Variants in OVCH2 observed in about 807,000 individuals in gnomAD.
OVCH2 encodes ovochymase-2.
In OVCH2, 88 loss-of-function variants were observed where a neutral mutation model predicts 73.7. The observed-to-expected ratio is 1.19, with a 90% confidence interval of 1.01 to 1.43. The LOEUF (loss-of-function observed/expected upper bound fraction) is 1.43, where lower values mean the gene tolerates loss of function less well. Among genes scored for constraint, OVCH2 ranks in the 40% most tolerant of loss-of-function variants. OVCH2 has a pLI of 0.00. For synonymous variants in OVCH2, 265 were observed against 234.5 expected (o/e 1.13, Z -1.19); for missense variants, 706 against 674.5 (o/e 1.05, Z -0.52).
rs1227847573 is a variant in OVCH2 at position 7,701,426 on chromosome 11, G to A, written c.609C>T (p.Thr203=). ...VLQEVNLPIL[T]WEECVAALLT... The stretch of plus-strand genomic sequence containing the variant: ...ACAGAGCTGCCACACACTCTTCCCA[G>A]GTCAAAATAGGCAGATTCACTTCCT... The change falls in exon 6 of 16, where the codon ACC becomes ACT. Residue 203 remains threonine, a synonymous_variant. Transcript: ENST00000533663. 2.5e-6 allele frequency: 4 copies of A among 1,612,518 alleles called. No individual in the cohort carries two copies. The highest frequency in any genetic ancestry group is 3.4e-6 in the Non-Finnish European group (4 of 1,179,426).
At position 7,704,655 on chromosome 11, in the gene OVCH2, ACT is replaced by A. The variant is rs1206728126; in HGVS notation, c.106_107del (p.Leu37GlyfsTer2). On this transcript the variant is annotated frameshift_variant, in exon 2 of 16. Coordinates refer to ENST00000533663, the MANE Select transcript of OVCH2 (RefSeq NM_198185.7). LOFTEE classifies it high-confidence loss of function. Reference protein sequence around the residue: ...SLPKAPSCGQSLVKVQPWNYF... With the variant: ...SLPKAPSCGQXLVKVQPWNYF... ...AATTCCAAGGCTGTACCTTAACCAGACTCTGCCCACAACTGGGAGCTGAGAAA... is the reference window on the plus strand; with the variant it reads ...AATTCCAAGGCTGTACCTTAACCAGACTGCCCACAACTGGGAGCTGAGAAA... 2 of 1,611,976 alleles carry A rather than the reference ACT, an allele frequency of 1.2e-6. No homozygotes were observed. The highest frequency in any genetic ancestry group is 1.7e-4 in the Middle Eastern group (1 of 6,054).
At chr11:7,686,145 T>A (rs900492603), downstream of OVCH2, among the ~76,000 whole-genome samples, 1 of 152,236 alleles carries the variant, frequency 6.6e-6, no homozygotes, top group Admixed American at 6.5e-5. Flanking sequence ...AGCACAGCAC[T>A]GTGCCGAACT....
chr11:7,692,105 A>T, intron 12 of OVCH2, 110 bp from the exon 13 acceptor site: 1 of 744,044 alleles, frequency 1.3e-6, no homozygotes. Flanking sequence ...AAGACCTTAG[A>T]TAAGAAAGTT....
downstream of OVCH2, among the ~76,000 whole-genome samples, chr11:7,687,308 AAAT>A (rs71059120): frequency 0.082 from 10,842 of 132,390 alleles, 484 homozygotes; most frequent in Middle Eastern, 0.13. Context: ...ATGGCTGTGG[AAAT>A]AATAATAATA....
At chr11:7,690,557 C>G (rs4132547) in intron 14 of OVCH2, among the ~76,000 whole-genome samples, 2 of 151,846 alleles carry the variant, frequency 1.3e-5, no homozygotes, top group Non-Finnish European at 2.9e-5. Context: ...TGTGAACTCC[C>G]TATACGTGAA....
chr11:7,686,647 A>G (rs1371566840), downstream of OVCH2, among the ~76,000 whole-genome samples: 3 of 152,232 alleles, frequency 2.0e-5, no homozygotes, highest in Non-Finnish European at 4.4e-5. Flanking sequence ...AAGAATCTGC[A>G]GGAAGAAAGG....
At position 7,691,380 on chromosome 11, in the gene OVCH2, C is replaced by T. The variant is rs1331953463; in HGVS notation, c.1528G>A (p.Val510Ile). The T allele has an allele frequency of 1.9e-6, 3 of 1,612,884 alleles. No homozygotes were observed. Among genetic ancestry groups the T allele is most frequent in the Admixed American group, 3.3e-5 (2 of 59,898 alleles). ...KEIARLCGYD[V>I]PTPVLSPSSI... Reference sequence around the variant, plus strand: ...GAGGGGCTCAGCACAGGGGTGGGGACATCATAGCCACACAGCCGAGCTTGT... The same window carrying T: ...GAGGGGCTCAGCACAGGGGTGGGGATATCATAGCCACACAGCCGAGCTTGT... Residue 510 changes from valine (V) to isoleucine (I), a missense_variant, in exon 14 of 16, where the codon GTC (valine) becomes ATC (isoleucine). Val to Ile is a conservative substitution (Grantham distance 29). Transcript: ENST00000533663.
rs1405450857 is a variant in OVCH2, at chr11:7,700,304, A to T, written c.893T>A (p.Ile298Asn). The T allele has an allele frequency of 6.2e-7, 1 of 1,613,522 alleles. No individual in the cohort carries two copies. The highest frequency in any genetic ancestry group is 1.3e-5 in the African/African-American group (1 of 74,882). Reference protein sequence around the residue: ...SKVLPWIHEHIQTGNRRKSSR... With the variant: ...SKVLPWIHEHNQTGNRRKSSR... ...TGTGATGGCTTAGTTACCAGTTTGG[A>T]TGTGTTCGTGGATCCAGGGAAGCAC... The change falls in exon 7 of 16, where the codon ATC becomes AAC. Residue 298 changes from isoleucine to asparagine, a missense_variant. Coordinates refer to ENST00000533663, the MANE Select transcript of OVCH2 (RefSeq NM_198185.7).
At position 7,695,698 on chromosome 11, in the gene OVCH2, C is replaced by T; in HGVS notation, c.1154G>A (p.Gly385Glu). The change falls in exon 11 of 16, where the codon GGA (glycine) becomes GAA (glutamate). Residue 385 changes from glycine (G) to glutamate (E), a missense_variant. Physicochemically the swap from Gly to Glu is moderately conservative, Grantham distance 98. Transcript: ENST00000533663. ...LEDRPIGKFC[G>E]ESLPSSILIG... ...AAGAATGGATGAAGGGAGGCTTTCT[C>T]CACAAAATTTTCCTGCAGGATGAGA... The T allele has an allele frequency of 2.5e-6, 4 of 1,585,878 alleles. No homozygotes were observed. The highest frequency in any genetic ancestry group is 3.4e-6 in the Non-Finnish European group (4 of 1,177,538).
At chr11:7,691,622 A>T (rs569552182) in intron 13 of OVCH2, among the ~76,000 whole-genome samples, 1 of 152,272 alleles carries the variant, frequency 6.6e-6, no homozygotes, top group East Asian at 1.9e-4. Flanking sequence ...ATGTTAAGGG[A>T]ACTGGTTCTA....
chr11:7,696,784 T>C lies in OVCH2; in HGVS notation c.941A>G (p.Gln314Arg). The C allele has an allele frequency of 6.2e-7, 1 of 1,609,562 alleles. No individual in the cohort carries two copies. The highest frequency in any genetic ancestry group is 1.1e-5 in the South Asian group (1 of 90,112). Residue 314 changes from glutamine (Q) to arginine (R), a missense_variant, in exon 9 of 16, where the codon CAG (glutamine) becomes CGG (arginine). By Grantham distance (43) the Gln-to-Arg change is conservative (BLOSUM62 1). Transcript: ENST00000533663. ...CTCAGCCCCGCTGACTATGACATCC[T>C]GCTCACTGCACCAGGCTGGGAGGGA... The part of the protein sequence containing the change: ...RKSSRAWCSE[Q>R]DVIVSGAEGK...
intron 12 of OVCH2, among the ~76,000 whole-genome samples, 165 bp downstream of exon 12, chr11:7,694,893 A>G (rs2136154102): frequency 6.8e-6 from 1 of 147,602 alleles, no homozygotes; most frequent in South Asian, 2.1e-4. Flanking sequence ...GGGCGGATCC[A>G]TTATTCAGCA....
rs184840192 is a variant in OVCH2, at chr11:7,704,963, C to A, written c.89-289G>T. On this transcript the variant is annotated intron_variant, in intron 1 of 15. Transcript: ENST00000533663. ...TCCCTCTTTATGTAAAATACTTTAT[C>A]CCTGAAAAAGTTGTTTTTATTTATT... Among the ~76,000 whole-genome samples the A allele has an allele frequency of 7.2e-5, 11 of 152,216 alleles. No homozygotes were observed. The East Asian group carries it at 2.1e-3, about 29-fold the overall frequency.
chr11:7,697,020 TTCTC>T (rs5789537), intron 8 of OVCH2: 338,271 of 532,720 alleles, frequency 0.63, 111,374 homozygotes, highest in Non-Finnish European at 0.69. Flanking sequence ...TCCTTAACTC[TTCTC>T]TCTCTTTTTA....
chr11:7,697,937 A>G (rs1344122334), intron 8 of OVCH2, among the ~76,000 whole-genome samples: 1 of 152,244 alleles, frequency 6.6e-6, no homozygotes. Context: ...GCTAGCATTT[A>G]AAGTTTCCAT....
chr11:7,703,880 G>A, intron 2 of OVCH2, 91 bp from the exon 3 acceptor site: 1 of 939,038 alleles, frequency 1.1e-6, no homozygotes, highest in Non-Finnish European at 1.7e-6. Context: ...ACCAGACTCA[G>A]ATATCACACT....
At chr11:7,682,276 C>T in the OVCH2 span, among the ~76,000 whole-genome samples, 1 of 152,236 alleles carries the variant, frequency 6.6e-6, no homozygotes, top group Admixed American at 6.5e-5. Context: ...AGCCCATGTT[C>T]CTAAATCCAG....
intron 11 of OVCH2, 122 bp downstream of exon 11, chr11:7,695,448 C>G: frequency 9.4e-7 from 1 of 1,069,468 alleles, no homozygotes; most frequent in East Asian, 2.6e-5. Context: ...GCCTGTGCCC[C>G]TCTCCCATGT....
Position 7,696,560 on chromosome 11 carries a change from T to G in OVCH2, c.1046A>C (p.Glu349Ala). Residue 349 changes from glutamate to alanine, a missense_variant, in exon 10 of 16, where the codon GAG becomes GCG. By Grantham distance (107) the Glu-to-Ala change is moderately radical. Coordinates refer to ENST00000533663, the MANE Select transcript of OVCH2 (RefSeq NM_198185.7). ...QRCVWTLLVPEEMHVLLSFSH... is the reference protein window; with the variant it reads ...QRCVWTLLVPAEMHVLLSFSH... ...AAAACTGAGCAACACATGCATTTCC[T>G]CTGGTACCAGCAGGGTCCAGACACA... The G allele has an allele frequency of 1.9e-6, 3 of 1,614,004 alleles. No homozygotes were observed. The highest frequency in any genetic ancestry group is 2.5e-6 in the Non-Finnish European group (3 of 1,179,898).
Sources: gnomAD v4.1 joint callset for allele counts (sites outside exome capture counted in the v4.1 genomes callset) on GRCh38, gnomAD v4.1.1 for gene constraint, MANE v1.5 for transcripts, NCBI Gene and HGNC (gene_info 2026-07-23, HGNC 2026-07-21) for gene names.